The following INO80 variants were observed in gnomAD, a reference collection of about 807,000 sequenced individuals.
INO80 encodes the protein chromatin-remodeling ATPase INO80.
In INO80, 20 loss-of-function variants were observed where a neutral mutation model predicts 203.4. The ratio of observed to expected loss-of-function variants is 0.10; its 90% confidence interval spans 0.07 to 0.14. INO80 has a LOEUF of 0.14. INO80 is among the 10% of genes least tolerant of loss of function. The pLI, the probability that INO80 is intolerant of heterozygous loss-of-function variation, is 1.00. For missense variants in INO80, 1,419 were observed against 1,914.4 expected, an observed-to-expected ratio of 0.74 and a Z score of 4.83; for synonymous variants, 726 against 685.2, an observed-to-expected ratio of 1.06 and a Z score of -0.93.
At chr15:41,083,308 C>A (rs149152068) in intron 7 of INO80, among the ~76,000 whole-genome samples, 1,608 of 150,678 alleles carry the variant, frequency 0.011, 23 homozygotes, top group African/African-American at 0.027. Flanking sequence ...GCTCAAGCAT[C>A]AACTATGTCT....
intron 9 of INO80, among the ~76,000 whole-genome samples, chr15:41,077,858 A>G (rs927036020): frequency 1.3e-5 from 2 of 151,898 alleles, no homozygotes; most frequent in African/African-American, 4.8e-5. Context: ...CACTCAGCCT[A>G]AGGAAAACTT....
At chr15:41,023,371 T>G (rs533250752) in intron 25 of INO80, 1 of 405,824 alleles carries the variant, frequency 2.5e-6, no homozygotes, top group East Asian at 7.9e-5. Flanking sequence ...GCAGCTATAC[T>G]TCTATAAAAA....
chr15:40,997,912 C>A (rs2043900663), intron 28 of INO80, among the ~76,000 whole-genome samples: 1 of 151,946 alleles, frequency 6.6e-6, no homozygotes, highest in Non-Finnish European at 1.5e-5. Flanking sequence ...ACAGACCTCT[C>A]TCACTGTCAT....
Position 41,088,177 on chromosome 15 carries a change from G to A in INO80, c.538-495C>T, listed in dbSNP as rs192795038. Among the ~76,000 whole-genome samples the A allele has an allele frequency of 4.1e-3, 568 of 138,480 alleles. 6 individuals are homozygous for A. Among genetic ancestry groups the A allele is most frequent in the South Asian group, 0.016 (69 of 4,324 alleles). The allele number at this position is 138,480 out of a possible 152,430, so 90.8% of individuals were successfully genotyped here. ...ATGATCTGGGCTCACTGCAACCTCC[G>A]CCCCTTGGTTCAAGCGATTCTCGTG... is the stretch of plus-strand genomic sequence containing the variant. On this transcript the variant is annotated intron_variant, in intron 5 of 35. Coordinates refer to ENST00000648947, the MANE Select transcript of INO80 (RefSeq NM_017553.3).
At chr15:41,020,374 A>G (rs1209900462) in intron 26 of INO80, among the ~76,000 whole-genome samples, 1 of 152,234 alleles carries the variant, frequency 6.6e-6, no homozygotes, top group African/African-American at 2.4e-5. Context: ...AAGTAGTCTC[A>G]CTAAGGCAAA....
intron 14 of INO80, among the ~76,000 whole-genome samples, chr15:41,064,571 G>A (rs2045175197): frequency 6.6e-6 from 1 of 152,110 alleles, no homozygotes; most frequent in Non-Finnish European, 1.5e-5. Flanking sequence ...TGAAGTGAAA[G>A]ACAATGTATA....
In INO80 at chr15:41,069,539, C is replaced by T. The variant is rs550313595; in HGVS notation, c.1782+31G>A. On this transcript the variant is annotated intron_variant, in intron 14 of 35. Transcript: ENST00000648947. ...GAGTCAAAAAGTTTATTTTAAAGAG[C>T]AATAGATGTTTTGGTTGGACTGATA... 8 of 1,233,110 alleles carry T rather than the reference C, an allele frequency of 6.5e-6. No individual in the cohort carries two copies. In the African/African-American group the frequency reaches 9.1e-5, roughly 14 times the overall value. The allele number at this position is 1,233,110 out of a possible 1,614,324, so 76.4% of individuals were successfully genotyped here. A position where few individuals can be genotyped will look rare whatever the true frequency, so the allele number is the denominator to read the frequency against.
intron 17 of INO80, among the ~76,000 whole-genome samples, chr15:41,055,614 G>T (rs560228027): frequency 1.1e-4 from 17 of 152,264 alleles, no homozygotes; most frequent in Non-Finnish European, 2.2e-4. Flanking sequence ...GTTTCAAAGC[G>T]CAAGTCATGC....
chr15:41,085,359 A>G lies in INO80; in HGVS notation c.873+10T>C. ...CTCCTAATTTCCATCTCCTGGAGGC[A>G]TTCACTTACCTTTGGTAGTTCCTTT... is the stretch of plus-strand genomic sequence containing the variant. On this transcript the variant is annotated intron_variant, in intron 7 of 35. Coordinates refer to ENST00000648947, the MANE Select transcript of INO80 (RefSeq NM_017553.3). 6.2e-7 allele frequency: 1 copy of G among 1,612,682 alleles called. No individual in the cohort carries two copies. Among genetic ancestry groups the G allele is most frequent in the South Asian group, 1.1e-5 (1 of 91,062 alleles).
chr15:41,024,494 C>G (rs1158918465), intron 25 of INO80: 1 of 152,192 alleles, frequency 6.6e-6, no homozygotes, highest in Admixed American at 6.6e-5. Flanking sequence ...CAGGAGCTAA[C>G]CCCTTTCTTG....
At chr15:40,985,718 G>A (rs1006890842) in intron 31 of INO80, among the ~76,000 whole-genome samples, 3 of 152,044 alleles carry the variant, frequency 2.0e-5, no homozygotes. Context: ...GAGACCAGCC[G>A]GGCCAACATA....
At chr15:41,045,164 A>G (rs1025314454) in intron 23 of INO80, 89 bp from the exon 24 acceptor site, 23 of 941,030 alleles carry the variant, frequency 2.4e-5, no homozygotes, top group Non-Finnish European at 3.5e-5. Context: ...TCTCATTAAC[A>G]TAACTCTTTT....
chr15:41,080,989 T>G (rs373398791), intron 8 of INO80, 31 bp downstream of exon 8: 42 of 1,464,704 alleles, frequency 2.9e-5, no homozygotes, highest in Non-Finnish European at 3.3e-5. Flanking sequence ...CAGCAAAACA[T>G]GAAATGGAAA....
chr15:41,092,239 T>C (rs1052631698), intron 4 of INO80, 57 bp from the exon 5 acceptor site: 2 of 1,434,468 alleles, frequency 1.4e-6, no homozygotes, highest in South Asian at 1.4e-5. Flanking sequence ...CCATTTATAA[T>C]CCAAGCATTT....
chr15:41,081,401 A>G (rs1228105114), intron 7 of INO80, among the ~76,000 whole-genome samples: 1 of 152,178 alleles, frequency 6.6e-6, no homozygotes, highest in Admixed American at 6.5e-5. Context: ...GATTAAAAAC[A>G]TGTTGCTTAC....
At chr15:41,060,739 C>A (rs1223010774) in intron 14 of INO80, among the ~76,000 whole-genome samples, 3 of 152,138 alleles carry the variant, frequency 2.0e-5, no homozygotes, top group Admixed American at 6.6e-5. Context: ...GACTCCCCGC[C>A]TCAAGACATC....
At chr15:40,988,060 G>T in intron 29 of INO80, 86 bp from the exon 30 acceptor site, 1 of 1,182,448 alleles carries the variant, frequency 8.5e-7, no homozygotes, top group Non-Finnish European at 1.2e-6. Context: ...CTGTTTGCGA[G>T]TTTGGCGTCA....
rs771356698 is a variant in INO80 at position 41,003,329 on chromosome 15, C to CT, written c.3497+2263dup. Among the ~76,000 whole-genome samples, 296 of 107,590 alleles carry CT rather than the reference C, an allele frequency of 2.8e-3. 30 individuals are homozygous for CT. The highest frequency in any genetic ancestry group is 0.014 in the Middle Eastern group (2 of 142). The allele number at this position is 107,590 out of a possible 152,430, so 70.6% of individuals were successfully genotyped here. A position where few individuals can be genotyped will look rare whatever the true frequency, so the allele number is the denominator to read the frequency against. On this transcript the variant is annotated intron_variant, in intron 28 of 35. Coordinates refer to ENST00000648947, the MANE Select transcript of INO80 (RefSeq NM_017553.3). ...TGGGATTGTGGGTGATTTTTCTTTT[C>CT]TTTTCTTTTTTTTTTTTTTGAGATG...
At chr15:41,005,512 T>TA in intron 28 of INO80, 81 bp downstream of exon 28, 8 of 673,878 alleles carry the variant, frequency 1.2e-5, no homozygotes, top group South Asian at 3.8e-5. Context: ...GTCCTGGCAT[T>TA]TAAAAAAAAA....
Sources: gnomAD v4.1 joint callset for allele counts (sites outside exome capture counted in the v4.1 genomes callset) on GRCh38, gnomAD v4.1.1 for gene constraint, MANE v1.5 for transcripts, NCBI Gene and HGNC (gene_info 2026-07-23, HGNC 2026-07-21) for gene names.